Variants in MCF2L2 observed in about 807,000 individuals in gnomAD.
The protein encoded by MCF2L2 is probable guanine nucleotide exchange factor MCF2L2.
MCF2L2 carries 102 observed loss-of-function variants against 150.2 expected under a neutral mutation model. That is an observed-to-expected ratio of 0.68 (90% CI 0.58 to 0.80). MCF2L2 has a LOEUF of 0.80. Ranked by LOEUF, MCF2L2 falls within the 30% of genes least tolerant of loss-of-function variation. The probability of loss-of-function intolerance (pLI) is 0.00; values close to 1 mark genes in which losing one functional copy is unlikely to be tolerated. For missense variants in MCF2L2, 1,256 were observed against 1,372.8 expected (o/e 0.91, Z 1.34); for synonymous variants, 465 against 491.3 (o/e 0.95, Z 0.71).
In MCF2L2 at chr3:183,193,056, T is replaced by C. The variant is rs767869677; in HGVS notation, c.2959A>G (p.Met987Val). The change falls in exon 27 of 30, where the codon ATG (methionine) becomes GTG (valine). Residue 987 changes from methionine (M) to valine (V), a missense_variant. Physicochemically the swap from Met to Val is conservative, Grantham distance 21. Coordinates refer to ENST00000328913, the MANE Select transcript of MCF2L2 (RefSeq NM_015078.4). ...TCCTTGCTAGTGGTAGCTCTTTCCA[T>C]ATTTTTAATCCATGGTCCGGATCCT... ...GAGSGPWIKN[M>V]ERATTSKEDP... 1.2e-6 allele frequency: 2 copies of C among 1,614,210 alleles called. No homozygotes were observed. Among genetic ancestry groups the C allele is most frequent in the Admixed American group, 1.7e-5 (1 of 60,026 alleles).
intron 15 of MCF2L2, among the ~76,000 whole-genome samples, chr3:183,274,996 C>T (rs1447682590): frequency 6.6e-6 from 1 of 150,992 alleles, no homozygotes; most frequent in African/African-American, 2.4e-5. Context: ...CCACTATTAT[C>T]TATCACAAAT....
intron 15 of MCF2L2, among the ~76,000 whole-genome samples, chr3:183,238,431 A>G (rs1329448072): frequency 6.6e-6 from 1 of 151,770 alleles, no homozygotes; most frequent in African/African-American, 2.4e-5. Context: ...AGTAGCTGGG[A>G]CTGCAGGCGT....
Position 183,356,232 on chromosome 3 carries a change from T to C in MCF2L2, c.276-14602A>G, listed in dbSNP as rs535585280. Among the ~76,000 whole-genome samples, 15 of 150,122 alleles carry C rather than the reference T, an allele frequency of 1.0e-4. No homozygotes were observed. The East Asian group carries it at 2.3e-3, about 23-fold the overall frequency. ...CTCTTTATTATAAAAAAAAAAAGTA[T>C]TGCCGGGCATTGTAGCTCACACCTG... On this transcript the variant is annotated intron_variant, in intron 3 of 29. Transcript: ENST00000328913.
chr3:183,218,496 G>T (rs1031952479), intron 21 of MCF2L2, among the ~76,000 whole-genome samples: 1 of 152,078 alleles, frequency 6.6e-6, no homozygotes, highest in Non-Finnish European at 1.5e-5. Flanking sequence ...TTAGCCGGGC[G>T]TGGTGGCGGG....
chr3:183,212,124 AT>A (rs1722743942), intron 22 of MCF2L2, among the ~76,000 whole-genome samples: 2 of 152,218 alleles, frequency 1.3e-5, no homozygotes, highest in African/African-American at 4.8e-5. Flanking sequence ...AACTCCAAGA[AT>A]TGCCGGCAGT....
intron 10 of MCF2L2, among the ~76,000 whole-genome samples, chr3:183,306,374 G>T (rs141940530): frequency 1.3e-5 from 2 of 152,348 alleles, no homozygotes; most frequent in East Asian, 3.9e-4. Context: ...AAAATCTTCT[G>T]ATCACAAGCC....
chr3:183,331,958 A>G (rs1022601334), intron 5 of MCF2L2, among the ~76,000 whole-genome samples: 60 of 152,306 alleles, frequency 3.9e-4, no homozygotes, highest in African/African-American at 1.4e-3. Flanking sequence ...CTACAATTAC[A>G]TCCTTGACCC....
chr3:183,422,487 C>A (rs1715933062), intron 1 of MCF2L2, among the ~76,000 whole-genome samples: 2 of 152,114 alleles, frequency 1.3e-5, no homozygotes. Flanking sequence ...GTATTCTCAG[C>A]CCGCTGTACC....
At chr3:183,351,540 C>T (rs548592537) in intron 3 of MCF2L2, among the ~76,000 whole-genome samples, 1 of 152,114 alleles carries the variant, frequency 6.6e-6, no homozygotes, top group South Asian at 2.1e-4. Context: ...AAACAACAGT[C>T]TCAGGAAAAT....
At chr3:183,242,116 A>G (rs527672941) in intron 15 of MCF2L2, among the ~76,000 whole-genome samples, 18 of 152,218 alleles carry the variant, frequency 1.2e-4, no homozygotes, top group Non-Finnish European at 2.1e-4. Flanking sequence ...TGTTAAAAGC[A>G]TTCAGTTTTA....
intron 15 of MCF2L2, among the ~76,000 whole-genome samples, chr3:183,246,244 T>C (rs1186409221): frequency 6.6e-6 from 1 of 152,196 alleles, no homozygotes; most frequent in Non-Finnish European, 1.5e-5. Flanking sequence ...AGTTCAGTAG[T>C]GTTAAGTACA....
chr3:183,418,207 T>C (rs1313995000), intron 1 of MCF2L2, among the ~76,000 whole-genome samples: 1 of 151,820 alleles, frequency 6.6e-6, no homozygotes, highest in Non-Finnish European at 1.5e-5. Context: ...AATAAATAAA[T>C]AAACCCATCA....
intron 6 of MCF2L2, among the ~76,000 whole-genome samples, chr3:183,321,369 C>G (rs1729802585): frequency 6.7e-6 from 1 of 148,340 alleles, no homozygotes; most frequent in African/African-American, 2.5e-5. Context: ...ACCCAGGAGG[C>G]TGAGGTTTCA....
chr3:183,322,296 C>A (rs566575875), intron 6 of MCF2L2, among the ~76,000 whole-genome samples: 42 of 152,330 alleles, frequency 2.8e-4, no homozygotes, highest in Admixed American at 1.9e-3. Flanking sequence ...TTATTCCCCA[C>A]ATCAAACTTT....
intron 5 of MCF2L2, among the ~76,000 whole-genome samples, chr3:183,336,691 T>C (rs1371244289): frequency 6.6e-6 from 1 of 151,212 alleles, no homozygotes; most frequent in East Asian, 2.0e-4. Flanking sequence ...GCATCTCTAC[T>C]AAAAATGCAA....
chr3:183,334,495 G>A (rs1373489017), intron 5 of MCF2L2, among the ~76,000 whole-genome samples: 1 of 151,868 alleles, frequency 6.6e-6, no homozygotes, highest in Non-Finnish European at 1.5e-5. Context: ...TAGCATAAAA[G>A]ACAAAGAAAG....
At chr3:183,333,725 G>A (rs921175362) in intron 5 of MCF2L2, among the ~76,000 whole-genome samples, 2 of 152,076 alleles carry the variant, frequency 1.3e-5, no homozygotes, top group Non-Finnish European at 2.9e-5. Flanking sequence ...TTACAAATGT[G>A]TACATGTATA....
intron 27 of MCF2L2, among the ~76,000 whole-genome samples, chr3:183,190,471 T>A (rs115378853): frequency 0.023 from 3,516 of 152,340 alleles, 60 homozygotes; most frequent in Middle Eastern, 0.051. Context: ...AGATGAAACC[T>A]GGAAGACAGT....
In MCF2L2 at chr3:183,285,937, C is replaced by G. The variant is rs564855931; in HGVS notation, c.1776+3183G>C. ...GCAGTTCCCGTGAGTCATGCTTTCA[C>G]CTTTCAGCCAGTGAAGAACAGGAAA... On this transcript the variant is annotated intron_variant, in intron 14 of 29. Transcript: ENST00000328913. Among the ~76,000 whole-genome samples, 79 of 152,276 alleles carry G rather than the reference C, an allele frequency of 5.2e-4. 1 individual carries two copies. Among genetic ancestry groups the G allele is most frequent in the African/African-American group, 1.9e-3 (77 of 41,550 alleles).
Sources: gnomAD v4.1 joint callset for allele counts (sites outside exome capture counted in the v4.1 genomes callset) on GRCh38, gnomAD v4.1.1 for gene constraint, MANE v1.5 for transcripts, NCBI Gene and HGNC (gene_info 2026-07-23, HGNC 2026-07-21) for gene names.